The following DECR1 variants were observed in gnomAD, a reference collection of about 807,000 sequenced individuals.
The protein encoded by DECR1 is 2,4-dienoyl-CoA reductase [(3E)-enoyl-CoA-producing], mitochondrial.
Under a neutral mutation model 38.8 loss-of-function variants are expected in DECR1, and 44 were observed. That is an observed-to-expected ratio of 1.13 (90% confidence interval 0.89 to 1.46). The LOEUF is 1.46. Among genes scored for constraint, DECR1 ranks in the 40% most tolerant of loss-of-function variants. The pLI is 0.00. For missense variants in DECR1, 428 were observed against 405.5 expected (o/e 1.06, Z -0.48); for synonymous variants, 148 against 135.2 (o/e 1.09, Z -0.66).
At chr8:90,017,066 AT>A in intron 1 of DECR1, 57 bp from the exon 2 acceptor site, 1 of 1,261,924 alleles carries the variant, frequency 7.9e-7, no homozygotes, top group Non-Finnish European at 1.1e-6. Context: ...GTTTTAAAAA[AT>A]TCATCTGTTT....
At chr8:90,018,876 TA>T in intron 2 of DECR1, 32 bp from the exon 3 acceptor site, 1 of 1,490,668 alleles carries the variant, frequency 6.7e-7, no homozygotes, top group Non-Finnish European at 9.2e-7. Context: ...TTGAAAAATA[TA>T]ATATGAAGTC....
At chr8:90,034,830 T>C (rs1813580703) in intron 5 of DECR1, among the ~76,000 whole-genome samples, 1 of 152,214 alleles carries the variant, frequency 6.6e-6, no homozygotes, top group African/African-American at 2.4e-5. Context: ...CTTTGTAATA[T>C]AGCTTTTATA....
chr8:90,051,158 G>A (rs577068796), intron 8 of DECR1, among the ~76,000 whole-genome samples: 84 of 149,158 alleles, frequency 5.6e-4, no homozygotes, highest in Non-Finnish European at 1.0e-3. Flanking sequence ...ATTCACCCTA[G>A]AACTTCAAGT....
intron 1 of DECR1, among the ~76,000 whole-genome samples, chr8:90,002,224 T>C (rs1200238952): frequency 6.6e-6 from 1 of 152,212 alleles, no homozygotes; most frequent in Non-Finnish European, 1.5e-5. Context: ...AGCACTGACC[T>C]TTGACGTCCT....
At position 90,017,320 on chromosome 8, in the gene DECR1, C is replaced by G; in HGVS notation, c.266C>G (p.Ala89Gly). 1 of 1,613,516 alleles carries G rather than the reference C, an allele frequency of 6.2e-7. No individual in the cohort carries two copies. The highest frequency in any genetic ancestry group is 8.5e-7 in the Non-Finnish European group (1 of 1,179,742). The change falls in exon 2 of 10, where the codon GCC (alanine) becomes GGC (glycine). Residue 89 changes from alanine (A) to glycine (G), a missense_variant. By Grantham distance (60) the Ala-to-Gly change is moderately conservative. Coordinates refer to ENST00000220764, the MANE Select transcript of DECR1 (RefSeq NM_001359.2). ...LSSLGAQCVI[A>G]SRKMDVLKAT... The stretch of plus-strand genomic sequence containing the variant: ...AGCCTAGGTGCTCAGTGCGTGATAG[C>G]CAGCCGGTAAGTCCCTTACATCAAG...
intron 8 of DECR1, among the ~76,000 whole-genome samples, chr8:90,048,258 G>T (rs1337798911): frequency 3.3e-5 from 5 of 151,574 alleles, no homozygotes; most frequent in African/African-American, 4.8e-5. Context: ...TGTTTTTTTT[G>T]AAAAGACCAA....
intron 5 of DECR1, among the ~76,000 whole-genome samples, chr8:90,023,574 T>A (rs1042950971): frequency 3.3e-5 from 5 of 152,140 alleles, no homozygotes; most frequent in African/African-American, 9.7e-5. Flanking sequence ...GTTCCTAGTA[T>A]TAAGAACAAA....
In DECR1 at chr8:90,053,424, A is replaced by G. The variant is rs930036481; in HGVS notation, c.*1527A>G. 1.3e-5 allele frequency among the ~76,000 whole-genome samples: 2 copies of G among 152,040 alleles called. No homozygotes were observed. Among genetic ancestry groups the G allele is most frequent in the African/African-American group, 4.8e-5 (2 of 41,372 alleles). On this transcript the variant is annotated 3_prime_UTR_variant, in exon 10 of 10. Coordinates refer to ENST00000220764, the MANE Select transcript of DECR1 (RefSeq NM_001359.2). The stretch of plus-strand genomic sequence containing the variant: ...CGTGAGACTTATTCACTATCACACT[A>G]TTGTGTTGATATTGTGTTCACACAC...
chr8:90,004,351 A>AG (rs1441505614), intron 1 of DECR1, among the ~76,000 whole-genome samples: 2 of 151,606 alleles, frequency 1.3e-5, no homozygotes, highest in African/African-American at 4.9e-5. Context: ...TATCTCAAAA[A>AG]GAAAAAAAAA....
intron 8 of DECR1, among the ~76,000 whole-genome samples, chr8:90,050,704 G>C (rs1814056181): frequency 6.6e-6 from 1 of 152,126 alleles, no homozygotes; most frequent in African/African-American, 2.4e-5. Flanking sequence ...AAATCATGGT[G>C]CTATAAAGAC....
intron 6 of DECR1, among the ~76,000 whole-genome samples, chr8:90,037,943 G>A (rs1316247376): frequency 6.6e-6 from 1 of 152,000 alleles, no homozygotes; most frequent in Non-Finnish European, 1.5e-5. Context: ...GTCTGCTCAC[G>A]ACACTCCCCA....
intron 5 of DECR1, 70 bp downstream of exon 5, chr8:90,021,126 A>T: frequency 7.7e-7 from 1 of 1,296,830 alleles, no homozygotes; most frequent in Non-Finnish European, 1.0e-6. Flanking sequence ...AAGCTCTGTG[A>T]TACTTTAAAA....
At chr8:90,029,084 G>A (rs1207281270) in intron 5 of DECR1, among the ~76,000 whole-genome samples, 1 of 151,940 alleles carries the variant, frequency 6.6e-6, no homozygotes, top group African/African-American at 2.4e-5. Flanking sequence ...AGAAAAAGAA[G>A]GAACTGTGAC....
intron 1 of DECR1, among the ~76,000 whole-genome samples, chr8:90,004,511 C>T (rs1444888169): frequency 6.6e-6 from 1 of 152,122 alleles, no homozygotes; most frequent in East Asian, 1.9e-4. Context: ...TATATCATTC[C>T]AGGCATCTGT....
chr8:90,006,612 A>G (rs111578248), intron 1 of DECR1, among the ~76,000 whole-genome samples: 41 of 152,308 alleles, frequency 2.7e-4, no homozygotes, highest in African/African-American at 9.6e-4. Flanking sequence ...GAGACACTCA[A>G]AGTTGAGTGA....
intron 6 of DECR1, among the ~76,000 whole-genome samples, chr8:90,041,993 A>C (rs960904541): frequency 1.3e-5 from 2 of 152,164 alleles, no homozygotes; most frequent in African/African-American, 2.4e-5. Flanking sequence ...TAAATTCCTA[A>C]AATGAATTTA....
chr8:90,017,078 T>C (rs1813026047), intron 1 of DECR1, 46 bp from the exon 2 acceptor site: 2 of 1,409,140 alleles, frequency 1.4e-6, no homozygotes, highest in African/African-American at 2.9e-5. Context: ...TCATCTGTTT[T>C]TTGGAAATAT....
intron 5 of DECR1, among the ~76,000 whole-genome samples, chr8:90,032,921 G>C (rs758474122): frequency 1.3e-5 from 2 of 152,144 alleles, no homozygotes; most frequent in African/African-American, 2.4e-5. Context: ...AGAGTAATAG[G>C]TGGAATCAAC....
At chr8:90,045,755 C>A (rs1048527670) in intron 8 of DECR1, among the ~76,000 whole-genome samples, 1 of 152,198 alleles carries the variant, frequency 6.6e-6, no homozygotes, top group East Asian at 1.9e-4. Flanking sequence ...CCTTGACCCC[C>A]GAGTAGCCTA....
Sources: allele counts gnomAD v4.1 joint callset (sites outside exome capture counted in the v4.1 genomes callset), GRCh38; gene constraint gnomAD v4.1.1; transcripts MANE v1.5; gene names NCBI Gene and HGNC (gene_info 2026-07-23, HGNC 2026-07-21).